DPP10: variants seen among roughly 807,000 people sequenced by gnomAD.
The protein encoded by DPP10 is inactive dipeptidyl peptidase 10.
Under a neutral mutation model 120.9 loss-of-function variants are expected in DPP10, and 33 were observed. The ratio of observed to expected loss-of-function variants is 0.27; its 90% CI spans 0.21 to 0.37. The LOEUF (loss-of-function observed/expected upper bound fraction) is 0.37, where lower values mean the gene tolerates loss of function less well. DPP10 is among the 10% of genes least tolerant of loss of function. The pLI is 1.00. For synonymous variants in DPP10, 337 were observed against 326.1 expected, an observed-to-expected ratio of 1.03 and a Z score of -0.36; for missense variants, 816 against 942.8, an observed-to-expected ratio of 0.87 and a Z score of 1.76.
At position 115,746,101 on chromosome 2, in the gene DPP10, C is replaced by G; in HGVS notation, c.868C>G (p.Pro290Ala). The change falls in exon 10 of 26, where the codon CCA (proline) becomes GCA (alanine). Residue 290 changes from proline (P) to alanine (A), a missense_variant. Coordinates refer to ENST00000410059, the MANE Select transcript of DPP10 (RefSeq NM_020868.6). ...TTTCTCAAAGGCAGGTCAAGTGAAC[C>G]CAACAATAAAATTATATGTTGTAAA... is the stretch of plus-strand genomic sequence containing the variant. ...YPYPKAGQVN[P>A]TIKLYVVNLY... 6.2e-7 allele frequency: 1 copy of G among 1,607,374 alleles called. No individual in the cohort carries two copies.
At chr2:115,837,309 A>G (rs902714837) in intron 24 of DPP10, among the ~76,000 whole-genome samples, 1 of 152,204 alleles carries the variant, frequency 6.6e-6, no homozygotes, top group Admixed American at 6.5e-5. Flanking sequence ...GTTAGTAGTA[A>G]TAAATAATAT....
intron 1 of DPP10, among the ~76,000 whole-genome samples, chr2:115,158,483 T>C (rs549565376): frequency 6.6e-6 from 1 of 152,206 alleles, no homozygotes; most frequent in Non-Finnish European, 1.5e-5. Context: ...TCTGTCTACA[T>C]GTGAACCCAA....
chr2:114,956,247 A>G (rs554192936), intron 1 of DPP10, among the ~76,000 whole-genome samples: 4 of 152,178 alleles, frequency 2.6e-5, no homozygotes, highest in Non-Finnish European at 4.4e-5. Flanking sequence ...GTAAAGTTGC[A>G]GTATACAAAA....
chr2:115,605,164 G>T (rs1047947478), intron 5 of DPP10, among the ~76,000 whole-genome samples: 1 of 151,976 alleles, frequency 6.6e-6, no homozygotes, highest in Non-Finnish European at 1.5e-5. Context: ...GTCTTTTTTG[G>T]CAAATAATGA....
At chr2:115,343,690 A>G (rs1379220578) in intron 2 of DPP10, 127 bp from the exon 3 acceptor site, 1 of 484,700 alleles carries the variant, frequency 2.1e-6, no homozygotes, top group Non-Finnish European at 3.6e-6. Context: ...AAACCATGTC[A>G]AAATGGTCAC....
intron 1 of DPP10, among the ~76,000 whole-genome samples, chr2:114,963,130 G>A (rs993748935): frequency 3.3e-5 from 5 of 152,080 alleles, no homozygotes; most frequent in Non-Finnish European, 5.9e-5. Flanking sequence ...ACTTATACAC[G>A]AGGACAGTAT....
chr2:115,038,207 T>G (rs1312117510), intron 1 of DPP10, among the ~76,000 whole-genome samples: 1 of 152,054 alleles, frequency 6.6e-6, no homozygotes, highest in Admixed American at 6.6e-5. Flanking sequence ...ACAACATATC[T>G]TCATTCATCC....
chr2:114,768,530 T>G (rs370909813), intron 1 of DPP10, among the ~76,000 whole-genome samples: 22 of 152,326 alleles, frequency 1.4e-4, no homozygotes, highest in African/African-American at 5.3e-4. Flanking sequence ...GATTTGAAGT[T>G]GGTTCTCTAA....
chr2:114,468,488 A>G (rs1256870248), intron 1 of DPP10, among the ~76,000 whole-genome samples: 2 of 151,646 alleles, frequency 1.3e-5, no homozygotes, highest in Non-Finnish European at 2.9e-5. Flanking sequence ...CCAAAGGTTC[A>G]TTTGTAAATC....
At chr2:114,812,583 G>C (rs895697199) in intron 1 of DPP10, among the ~76,000 whole-genome samples, 118 of 134,522 alleles carry the variant, frequency 8.8e-4, no homozygotes, top group African/African-American at 2.9e-3. Flanking sequence ...GTGAGACATT[G>C]ACACACACAC....
intron 3 of DPP10, among the ~76,000 whole-genome samples, chr2:115,388,694 A>G (rs1442213351): frequency 6.6e-6 from 1 of 152,194 alleles, no homozygotes; most frequent in Non-Finnish European, 1.5e-5. Flanking sequence ...CTACTAGACT[A>G]TAAACCCCTT....
chr2:115,603,598 G>A (rs1161107332), intron 5 of DPP10, among the ~76,000 whole-genome samples: 1 of 121,142 alleles, frequency 8.3e-6, no homozygotes, highest in Non-Finnish European at 1.6e-5. Flanking sequence ...TTTCTTGACA[G>A]CTCTAACCAC....
At chr2:115,530,900 C>T (rs79207335) in intron 5 of DPP10, among the ~76,000 whole-genome samples, 1,572 of 152,042 alleles carry the variant, frequency 0.01, 31 homozygotes, top group African/African-American at 0.036. Flanking sequence ...GGTTGAAGAC[C>T]ATTGAATTTA....
intron 1 of DPP10, among the ~76,000 whole-genome samples, chr2:114,915,826 G>A (rs954352233): frequency 6.6e-6 from 1 of 152,034 alleles, no homozygotes; most frequent in Non-Finnish European, 1.5e-5. Context: ...AGAATTTCTG[G>A]GACACAGTTA....
chr2:114,543,488 TCTC>T (rs1558864563), intron 1 of DPP10, among the ~76,000 whole-genome samples: 1 of 152,214 alleles, frequency 6.6e-6, no homozygotes, highest in Non-Finnish European at 1.5e-5. Flanking sequence ...TTAACTGTCT[TCTC>T]CTTTCCTGCG....
At chr2:114,716,200 T>A (rs1234424014) in intron 1 of DPP10, among the ~76,000 whole-genome samples, 1 of 152,028 alleles carries the variant, frequency 6.6e-6, no homozygotes, top group Non-Finnish European at 1.5e-5. Flanking sequence ...AAATAAGAAA[T>A]TTTAAAAAAT....
intron 1 of DPP10, among the ~76,000 whole-genome samples, chr2:114,887,088 C>A (rs1369912075): frequency 6.6e-6 from 1 of 152,160 alleles, no homozygotes; most frequent in Non-Finnish European, 1.5e-5. Flanking sequence ...ACTCTTTTCC[C>A]AAATCTCTCC....
chr2:115,414,431 G>T (rs1171763536), intron 3 of DPP10, among the ~76,000 whole-genome samples: 1 of 152,014 alleles, frequency 6.6e-6, no homozygotes, highest in Non-Finnish European at 1.5e-5. Context: ...TACTGTTTTT[G>T]ACACATAGTA....
At chr2:115,609,958 G>A (rs1051663713) in intron 5 of DPP10, among the ~76,000 whole-genome samples, 15 of 152,098 alleles carry the variant, frequency 9.9e-5, no homozygotes, top group South Asian at 4.1e-4. Flanking sequence ...ATCAAGAAAT[G>A]ATGTACAACA....
Sources: allele counts gnomAD v4.1 joint callset (sites outside exome capture counted in the v4.1 genomes callset), GRCh38; gene constraint gnomAD v4.1.1; transcripts MANE v1.5; gene names NCBI Gene and HGNC (gene_info 2026-07-23, HGNC 2026-07-21).